TMEM260: variants seen among roughly 807,000 people sequenced by gnomAD.
The protein encoded by TMEM260 is transmembrane protein 260.
In TMEM260, 82 loss-of-function variants were observed where a neutral mutation model predicts 88.9. That is an observed-to-expected ratio of 0.92 (90% CI 0.77 to 1.11). The LOEUF is 1.11. Among genes scored for constraint, TMEM260 ranks in the 50% least tolerant of loss-of-function variants. The probability of loss-of-function intolerance (pLI) is 0.00; values close to 1 mark genes in which losing one functional copy is unlikely to be tolerated. For missense variants in TMEM260, 902 were observed against 853.4 expected (o/e 1.06, Z -0.71); for synonymous variants, 314 against 309.3 (o/e 1.02, Z -0.16).
chr14:56,652,894 C>T (rs1890230733), downstream of TMEM260, among the ~76,000 whole-genome samples: 1 of 152,204 alleles, frequency 6.6e-6, no homozygotes, highest in African/African-American at 2.4e-5. Context: ...GGAGGCAGTT[C>T]CTCCAGTTGC....
intron 1 of TMEM260, among the ~76,000 whole-genome samples, chr14:56,584,671 A>G (rs1160855700): frequency 6.6e-6 from 1 of 152,160 alleles, no homozygotes; most frequent in African/African-American, 2.4e-5. Context: ...CTTGAGGGAT[A>G]ATAAAGCATA....
At chr14:56,628,090 CTTTT>C (rs1888349051) in intron 12 of TMEM260, among the ~76,000 whole-genome samples, 1 of 152,086 alleles carries the variant, frequency 6.6e-6, no homozygotes, top group African/African-American at 2.4e-5. Flanking sequence ...ATAGTTTATT[CTTTT>C]TGTTTCTAAG....
At chr14:56,629,921 G>A (rs754177083) in intron 12 of TMEM260, among the ~76,000 whole-genome samples, 9 of 152,006 alleles carry the variant, frequency 5.9e-5, no homozygotes, top group Non-Finnish European at 1.2e-4. Context: ...CACACCTGTG[G>A]TCCCAACTAC....
At chr14:56,579,677 G>C (rs998405612), upstream of TMEM260, 13 of 393,824 alleles carry the variant, frequency 3.3e-5, no homozygotes, top group African/African-American at 2.5e-4. Flanking sequence ...ATTATAAGTA[G>C]GTGAACGCCA....
intron 3 of TMEM260, among the ~76,000 whole-genome samples, chr14:56,597,829 A>C (rs1175264891): frequency 3.9e-5 from 6 of 152,202 alleles, no homozygotes; most frequent in African/African-American, 9.7e-5. Context: ...AGAGAGAGAG[A>C]GAGGGAAAAG....
At chr14:56,630,450 T>C (rs1888516460) in intron 12 of TMEM260, among the ~76,000 whole-genome samples, 1 of 152,026 alleles carries the variant, frequency 6.6e-6, no homozygotes, top group African/African-American at 2.4e-5. Context: ...TCAGTGTTTT[T>C]CTTTTTTTGT....
chr14:56,616,080 T>A, intron 8 of TMEM260, 53 bp downstream of exon 8: 1 of 1,349,612 alleles, frequency 7.4e-7, no homozygotes, highest in Non-Finnish European at 1.1e-6. Context: ...TGAATTGAAT[T>A]AATGTTTTCA....
intron 3 of TMEM260, among the ~76,000 whole-genome samples, chr14:56,587,311 G>A (rs539735892): frequency 3.3e-5 from 5 of 151,886 alleles, no homozygotes; most frequent in Admixed American, 3.3e-4. Flanking sequence ...GCTATAAATA[G>A]CTCTTTGTGC....
intron 15 of TMEM260, 36 bp downstream of exon 15, chr14:56,636,634 TTGG>T (rs777130155): frequency 1.3e-6 from 2 of 1,552,516 alleles, no homozygotes; most frequent in Admixed American, 3.3e-5. Context: ...ATAGATATAT[TTGG>T]TGGGAAGGTG....
rs1890064810 is a variant in TMEM260, at chr14:56,647,866, T to A, written c.*369T>A. The A allele has an allele frequency of 1.2e-5, 2 of 168,250 alleles. No individual in the cohort carries two copies. The highest frequency in any genetic ancestry group is 1.6e-4 in the South Asian group (1 of 6,088). The allele number at this position is 168,250 out of a possible 1,614,324, so 10.4% of individuals were successfully genotyped here. On this transcript the variant is annotated 3_prime_UTR_variant, in exon 16 of 16. Coordinates refer to ENST00000261556, the MANE Select transcript of TMEM260 (RefSeq NM_017799.4). ...AGGGCCATGCTTATTGGGATCAGTT[T>A]TAAAGTTAAATTCTTTTGATATTAA...
chr14:56,618,835 T>C, intron 10 of TMEM260, 72 bp downstream of exon 10: 1 of 1,417,508 alleles, frequency 7.1e-7, no homozygotes, highest in Admixed American at 1.9e-5. Flanking sequence ...TTCTAACACT[T>C]TATTTCATTG....
At position 56,609,086 on chromosome 14, in the gene TMEM260, C is replaced by A. The variant is rs754169823; in HGVS notation, c.637-20C>A. 6.2e-7 allele frequency: 1 copy of A among 1,610,838 alleles called. No individual in the cohort carries two copies. The highest frequency in any genetic ancestry group is 8.5e-7 in the Non-Finnish European group (1 of 1,177,636). On this transcript the variant is annotated intron_variant, in intron 5 of 15. Transcript: ENST00000261556. ...TACTAAAATAAACATTGTTATACCA[C>A]CCAATGTGCTCTGATGCAGGAACTC... is the stretch of plus-strand genomic sequence containing the variant.
intron 3 of TMEM260, among the ~76,000 whole-genome samples, chr14:56,590,012 G>A (rs1885752293): frequency 6.6e-6 from 1 of 152,150 alleles, no homozygotes; most frequent in Non-Finnish European, 1.5e-5. Flanking sequence ...AAGTAACTAT[G>A]CATAAGTAAC....
chr14:56,626,069 C>A (rs17091826), intron 12 of TMEM260, among the ~76,000 whole-genome samples: 6,627 of 152,154 alleles, frequency 0.044, 486 homozygotes, highest in African/African-American at 0.15. Context: ...TAAATAATTC[C>A]TCCGATGGCA....
At chr14:56,655,294 G>A (rs1048305322), downstream of TMEM260, among the ~76,000 whole-genome samples, 2 of 151,758 alleles carry the variant, frequency 1.3e-5, no homozygotes, top group Non-Finnish European at 2.9e-5. Flanking sequence ...GAAGGCTGAG[G>A]CAGAAGAATT....
Position 56,604,070 on chromosome 14 carries a change from A to G in TMEM260, c.522+78A>G, listed in dbSNP as rs529734977. On this transcript the variant is annotated intron_variant, in intron 4 of 15. Coordinates refer to ENST00000261556, the MANE Select transcript of TMEM260 (RefSeq NM_017799.4). Reference sequence around the variant, plus strand: ...ATGTATTTCTTTTTAACTTTGGCTTAAATACCTTTTATCTATTCTGATTAC... The same window carrying G: ...ATGTATTTCTTTTTAACTTTGGCTTGAATACCTTTTATCTATTCTGATTAC... 145 of 1,390,206 alleles carry G rather than the reference A, an allele frequency of 1.0e-4. No individual in the cohort carries two copies. The African/African-American group carries it at 1.9e-3, about 18-fold the overall frequency. 86.1% of individuals were successfully genotyped at this position (1,390,206 alleles called of 1,614,324 possible).
chr14:56,605,343 C>G (rs1017844054), intron 4 of TMEM260, among the ~76,000 whole-genome samples: 1 of 152,066 alleles, frequency 6.6e-6, no homozygotes, highest in Non-Finnish European at 1.5e-5. Flanking sequence ...GGTTTGAAAA[C>G]AGTTATTTAA....
chr14:56,619,917 G>T (rs1594857654), intron 10 of TMEM260, among the ~76,000 whole-genome samples: 2 of 152,112 alleles, frequency 1.3e-5, no homozygotes, highest in Admixed American at 1.3e-4. Flanking sequence ...ATTGGAAAAA[G>T]AAAATGTGGT....
At position 56,607,616 on chromosome 14, in the gene TMEM260, GTGTGTA is replaced by G. The variant is rs779384338; in HGVS notation, c.637-1488_637-1483del. Among the ~76,000 whole-genome samples, 1,282 of 152,168 alleles carry G rather than the reference GTGTGTA, an allele frequency of 8.4e-3. 32 individuals are homozygous for G. The highest frequency in any genetic ancestry group is 0.084 in the East Asian group (436 of 5,178). ...GCTTTTAAAAAGTCCGTGTTTGTTT[GTGTGTA>G]TATATACACAGATGTACATGTGTAT... On this transcript the variant is annotated intron_variant, in intron 5 of 15. Coordinates refer to ENST00000261556, the MANE Select transcript of TMEM260 (RefSeq NM_017799.4).
Sources: allele counts gnomAD v4.1 joint callset (sites outside exome capture counted in the v4.1 genomes callset), GRCh38; gene constraint gnomAD v4.1.1; transcripts MANE v1.5; gene names NCBI Gene and HGNC (gene_info 2026-07-23, HGNC 2026-07-21).